CAMK2D: variants seen among roughly 807,000 people sequenced by gnomAD.
CAMK2D encodes calcium/calmodulin dependent protein kinase II delta.
CAMK2D carries 37 observed loss-of-function variants against 84.0 expected under a neutral mutation model. That is an observed-to-expected ratio of 0.44 (90% CI 0.34 to 0.58). CAMK2D has a LOEUF of 0.58. Ranked by LOEUF, CAMK2D falls within the 20% of genes least tolerant of loss-of-function variation. CAMK2D has a pLI of 0.02. For synonymous variants in CAMK2D, 202 were observed against 212.5 expected, an observed-to-expected ratio of 0.95 and a Z score of 0.43; for missense variants, 448 against 652.5, an observed-to-expected ratio of 0.69 and a Z score of 3.41.
intron 2 of CAMK2D, among the ~76,000 whole-genome samples, chr4:113,681,215 C>T (rs1336209898): frequency 6.6e-6 from 1 of 151,954 alleles, no homozygotes; most frequent in South Asian, 2.1e-4. Flanking sequence ...TGGCTGTGTC[C>T]CCACTCAAAT....
At chr4:113,688,444 C>CA (rs1318252008) in intron 2 of CAMK2D, among the ~76,000 whole-genome samples, 1 of 152,164 alleles carries the variant, frequency 6.6e-6, no homozygotes, top group Non-Finnish European at 1.5e-5. Flanking sequence ...TTAAAAATGG[C>CA]ATAGTAACCT....
At chr4:113,727,135 C>A (rs1395726535) in intron 2 of CAMK2D, among the ~76,000 whole-genome samples, 1 of 152,036 alleles carries the variant, frequency 6.6e-6, no homozygotes, top group Non-Finnish European at 1.5e-5. Flanking sequence ...TTGAAGGACT[C>A]CATATTAATA....
At chr4:113,486,135 T>A (rs1430200251) in intron 16 of CAMK2D, among the ~76,000 whole-genome samples, 2 of 151,948 alleles carry the variant, frequency 1.3e-5, no homozygotes, top group Non-Finnish European at 2.9e-5. Context: ...TTTGATTTTT[T>A]TTTTTTTAAG....
intron 16 of CAMK2D, among the ~76,000 whole-genome samples, chr4:113,495,366 A>C (rs1242900813): frequency 6.6e-6 from 1 of 152,228 alleles, no homozygotes; most frequent in Non-Finnish European, 1.5e-5. Flanking sequence ...AATGTATGCA[A>C]GACAAGTCCT....
intron 2 of CAMK2D, among the ~76,000 whole-genome samples, chr4:113,671,596 A>G (rs7679500): frequency 0.44 from 67,163 of 152,090 alleles, 15,256 homozygotes; most frequent in African/African-American, 0.57. Context: ...TAACAAAGGG[A>G]AAGTTGAGCT....
intron 6 of CAMK2D, among the ~76,000 whole-genome samples, chr4:113,545,742 A>T (rs947136950): frequency 1.3e-5 from 2 of 152,194 alleles, no homozygotes; most frequent in Non-Finnish European, 2.9e-5. Flanking sequence ...ACAAACTAAG[A>T]CAACAACTAA....
intron 3 of CAMK2D, 121 bp from the exon 4 acceptor site, chr4:113,609,327 C>G: frequency 1.5e-6 from 1 of 648,746 alleles, no homozygotes; most frequent in South Asian, 1.8e-5. Flanking sequence ...TTTATTTTAG[C>G]CTTTGATACG....
intron 2 of CAMK2D, among the ~76,000 whole-genome samples, chr4:113,692,968 T>C (rs984593200): frequency 1.1e-4 from 16 of 152,168 alleles, no homozygotes; most frequent in African/African-American, 3.4e-4. Context: ...ACAGAGTTCA[T>C]GAAAGTTCTT....
chr4:113,564,494 T>C (rs1012077428), intron 4 of CAMK2D, among the ~76,000 whole-genome samples: 2 of 152,124 alleles, frequency 1.3e-5, no homozygotes. Flanking sequence ...CATACTGTGC[T>C]TGTTTGATTT....
chr4:113,664,951 C>T (rs1490446222), intron 2 of CAMK2D, among the ~76,000 whole-genome samples: 2 of 152,174 alleles, frequency 1.3e-5, no homozygotes, highest in Admixed American at 6.5e-5. Context: ...TTGCAGGCAC[C>T]TGCCACCATG....
At position 113,452,391 on chromosome 4, in the gene CAMK2D, T is replaced by C. The variant is rs186683405; in HGVS notation, c.*2154A>G. 556 of 152,476 alleles carry C rather than the reference T, an allele frequency of 3.6e-3. 2 individuals carry two copies. The highest frequency in any genetic ancestry group is 6.0e-3 in the Admixed American group (91 of 15,280). 9.4% of individuals were successfully genotyped at this position (152,476 alleles called of 1,614,324 possible). On this transcript the variant is annotated 3_prime_UTR_variant, in exon 21 of 21. Transcript: ENST00000511664. Reference sequence around the variant, plus strand: ...GCAGGCATACATACAGTACCTCTTCTGAAGAAATAAAGATGGACGCACTGT... The same window carrying C: ...GCAGGCATACATACAGTACCTCTTCCGAAGAAATAAAGATGGACGCACTGT...
At chr4:113,664,109 T>A (rs1193911593) in intron 2 of CAMK2D, among the ~76,000 whole-genome samples, 1 of 152,110 alleles carries the variant, frequency 6.6e-6, no homozygotes, top group African/African-American at 2.4e-5. Context: ...GAGAAAAGCC[T>A]CAGAAGAAAT....
intron 2 of CAMK2D, among the ~76,000 whole-genome samples, chr4:113,716,748 AAAG>A (rs2099514896): frequency 6.6e-6 from 1 of 152,082 alleles, no homozygotes; most frequent in African/African-American, 2.4e-5. Context: ...TTACTGCATA[AAAG>A]TAGTAACATC....
intron 2 of CAMK2D, among the ~76,000 whole-genome samples, chr4:113,706,071 G>C (rs907085160): frequency 2.0e-5 from 3 of 152,290 alleles, no homozygotes; most frequent in South Asian, 4.1e-4. Context: ...AAGTAGTTAA[G>C]AAATTTTGAA....
At chr4:113,630,815 A>T (rs1214152044) in intron 3 of CAMK2D, among the ~76,000 whole-genome samples, 1 of 152,198 alleles carries the variant, frequency 6.6e-6, no homozygotes, top group African/African-American at 2.4e-5. Context: ...GCCTAGTGAC[A>T]TGCCTGCACA....
chr4:113,719,210 A>G (rs995908162), intron 2 of CAMK2D, among the ~76,000 whole-genome samples: 4 of 152,170 alleles, frequency 2.6e-5, no homozygotes, highest in African/African-American at 9.6e-5. Flanking sequence ...ATCCTGTACT[A>G]GGACCCAACG....
intron 16 of CAMK2D, among the ~76,000 whole-genome samples, chr4:113,474,554 G>C (rs976066505): frequency 7.0e-6 from 1 of 142,914 alleles, no homozygotes; most frequent in African/African-American, 2.6e-5. Flanking sequence ...GCTGCCCCTG[G>C]GTGCTGTAAT....
At chr4:113,501,811 C>T (rs866740103) in intron 15 of CAMK2D, among the ~76,000 whole-genome samples, 7 of 151,994 alleles carry the variant, frequency 4.6e-5, no homozygotes, top group South Asian at 2.1e-4. Flanking sequence ...TTATGCTTGG[C>T]GTTTCATTGG....
Position 113,662,960 on chromosome 4 carries a change from C to T in CAMK2D, c.161-1188G>A, listed in dbSNP as rs141206696. On this transcript the variant is annotated intron_variant, in intron 2 of 20. Coordinates refer to ENST00000511664, the MANE Select transcript of CAMK2D (RefSeq NM_001321571.2). ...GCCATTTAGAAAAATATTTTAAACA[C>T]GTATAGTGCTATTAATAACTCAAAG... Among the ~76,000 whole-genome samples the T allele has an allele frequency of 3.9e-3, 587 of 152,118 alleles. 4 individuals carry two copies. Among genetic ancestry groups the T allele is most frequent in the African/African-American group, 0.014 (560 of 41,474 alleles).
Sources: gnomAD v4.1 joint callset for allele counts (sites outside exome capture counted in the v4.1 genomes callset) on GRCh38, gnomAD v4.1.1 for gene constraint, MANE v1.5 for transcripts, NCBI Gene and HGNC (gene_info 2026-07-23, HGNC 2026-07-21) for gene names.